COL11A1: variants seen among roughly 807,000 people sequenced by gnomAD.
COL11A1 encodes the protein collagen type XI alpha 1 chain, also known as collagen alpha-1(XI) chain.
Under a neutral mutation model 265.2 loss-of-function variants are expected in COL11A1, and 74 were observed. The ratio of observed to expected loss-of-function variants is 0.28; its 90% CI spans 0.23 to 0.34. The LOEUF (loss-of-function observed/expected upper bound fraction) is 0.34, where lower values mean the gene tolerates loss of function less well. Among genes scored for constraint, COL11A1 ranks in the 10% least tolerant of loss-of-function variants. COL11A1 has a pLI of 1.00. For synonymous variants in COL11A1, 816 were observed against 727.6 expected, an observed-to-expected ratio of 1.12 and a Z score of -1.96; for missense variants, 2,165 against 2,263.6, an observed-to-expected ratio of 0.96 and a Z score of 0.88.
intron 1 of COL11A1, among the ~76,000 whole-genome samples, chr1:103,086,638 G>A (rs768766017): frequency 2.6e-5 from 4 of 151,862 alleles, no homozygotes; most frequent in Non-Finnish European, 4.4e-5. Context: ...GGATGGTCTT[G>A]ATCTCCTGAC....
chr1:103,038,204 A>G (rs1298973286), intron 4 of COL11A1, among the ~76,000 whole-genome samples: 1 of 152,166 alleles, frequency 6.6e-6, no homozygotes, highest in African/African-American at 2.4e-5. Flanking sequence ...GGCTCACACC[A>G]GTAATACTAG....
intron 4 of COL11A1, among the ~76,000 whole-genome samples, chr1:103,055,860 T>C (rs1386165492): frequency 6.6e-6 from 1 of 152,164 alleles, no homozygotes; most frequent in Non-Finnish European, 1.5e-5. Context: ...TTTTCAAACG[T>C]TCGTATCTTG....
At chr1:102,964,589 T>TGGGG (rs1278636753) in intron 38 of COL11A1, among the ~76,000 whole-genome samples, 3 of 143,454 alleles carry the variant, frequency 2.1e-5, no homozygotes, top group Non-Finnish European at 3.0e-5. Context: ...TCTCTAGGGG[T>TGGGG]GTGTGTGTGT....
intron 49 of COL11A1, among the ~76,000 whole-genome samples, chr1:102,919,342 TA>T (rs1241278588): frequency 1.9e-4 from 11 of 58,168 alleles, no homozygotes; most frequent in Non-Finnish European, 5.7e-4. Flanking sequence ...CAAAATATAA[TA>T]ACAATCTAAT....
At chr1:102,926,940 G>A (rs1404439039) in intron 46 of COL11A1, among the ~76,000 whole-genome samples, 1 of 152,042 alleles carries the variant, frequency 6.6e-6, no homozygotes, top group Admixed American at 6.5e-5. Context: ...ATATGAAAGT[G>A]AAGTTTTTGC....
At chr1:102,949,098 G>T (rs553528300) in intron 41 of COL11A1, among the ~76,000 whole-genome samples, 1 of 152,020 alleles carries the variant, frequency 6.6e-6, no homozygotes, top group Non-Finnish European at 1.5e-5. Context: ...TAATAAAAGT[G>T]CTCCTTTTTT....
intron 37 of COL11A1, among the ~76,000 whole-genome samples, chr1:102,965,862 G>A (rs138379709): frequency 0.01 from 1,596 of 152,208 alleles, 18 homozygotes; most frequent in Middle Eastern, 0.027. Flanking sequence ...TATGGATGAA[G>A]TAAATGATGA....
intron 13 of COL11A1, among the ~76,000 whole-genome samples, chr1:103,013,079 C>T (rs1230202862): frequency 6.6e-6 from 1 of 152,016 alleles, no homozygotes; most frequent in Non-Finnish European, 1.5e-5. Flanking sequence ...AAAGCTGAAA[C>T]ACATACAGTA....
intron 57 of COL11A1, among the ~76,000 whole-genome samples, chr1:102,895,519 A>T: frequency 6.6e-6 from 1 of 152,120 alleles, no homozygotes; most frequent in East Asian, 1.9e-4. Flanking sequence ...TGATAAGCAA[A>T]TTGAAGCCTG....
chr1:102,981,881 T>C (rs1663074173), intron 31 of COL11A1, among the ~76,000 whole-genome samples: 1 of 151,950 alleles, frequency 6.6e-6, no homozygotes. Context: ...ATGGTTTATA[T>C]TGCTACTAAG....
intron 35 of COL11A1, among the ~76,000 whole-genome samples, chr1:102,978,047 T>C (rs1283673803): frequency 2.6e-5 from 4 of 152,182 alleles, no homozygotes; most frequent in African/African-American, 9.6e-5. Flanking sequence ...AAAATTATTA[T>C]AGAATATGAA....
intron 4 of COL11A1, among the ~76,000 whole-genome samples, chr1:103,043,023 A>G (rs1320837897): frequency 6.9e-6 from 1 of 145,168 alleles, no homozygotes; most frequent in African/African-American, 2.5e-5. Flanking sequence ...TGAAATATAT[A>G]TGATATATAT....
At chr1:103,007,391 T>C (rs2622881) in intron 15 of COL11A1, among the ~76,000 whole-genome samples, 6,747 of 152,248 alleles carry the variant, frequency 0.044, 254 homozygotes, top group African/African-American at 0.098. Flanking sequence ...AAATGTAGTT[T>C]CACTATAAAT....
intron 4 of COL11A1, among the ~76,000 whole-genome samples, chr1:103,031,707 A>G (rs1311631272): frequency 6.6e-6 from 1 of 152,044 alleles, no homozygotes; most frequent in African/African-American, 2.4e-5. Flanking sequence ...TTTTTAGAGT[A>G]AATATATAGA....
At chr1:102,926,516 T>C (rs1329227173) in intron 46 of COL11A1, among the ~76,000 whole-genome samples, 1 of 152,262 alleles carries the variant, frequency 6.6e-6, no homozygotes, top group African/African-American at 2.4e-5. Context: ...GAAGACTCAA[T>C]TAAAGGAGGC....
intron 3 of COL11A1, among the ~76,000 whole-genome samples, chr1:103,076,204 T>C (rs1671960793): frequency 1.3e-5 from 2 of 152,126 alleles, no homozygotes; most frequent in South Asian, 2.1e-4. Context: ...CTTTTTCTCA[T>C]ACTACACACT....
At chr1:103,059,763 C>T (rs1670519940) in intron 4 of COL11A1, among the ~76,000 whole-genome samples, 1 of 151,978 alleles carries the variant, frequency 6.6e-6, no homozygotes, top group South Asian at 2.1e-4. Context: ...GTAAATTAGA[C>T]ACTGCTAAGG....
Position 102,961,872 on chromosome 1 carries a change from A to G in COL11A1, c.3162T>C (p.Gly1054=). The change falls in exon 41 of 67, where the codon GGT becomes GGC. Residue 1054 remains glycine, a synonymous_variant. Transcript: ENST00000370096. ...TTATTATCATCATACTTACAACTGG[A>G]CCTGGTGGGCCCTGGGGACCTTCCC... ...KGGEGPQGPP[G]PVGSPGERGS... is the part of the protein sequence containing the mutation. The G allele has an allele frequency of 6.2e-7, 1 of 1,613,234 alleles. No homozygotes were observed. Among genetic ancestry groups the G allele is most frequent in the East Asian group, 2.2e-5 (1 of 44,868 alleles).
At position 102,978,907 on chromosome 1, in the gene COL11A1, G is replaced by A. The variant is rs748815162; in HGVS notation, c.2662C>T (p.Arg888Ter). ...GGACCTCTTGCACCTCTTGAACCTCGAGGACCCTGCAGATGAGAACAAAAG... is the reference window on the plus strand; with the variant it reads ...GGACCTCTTGCACCTCTTGAACCTCAAGGACCCTGCAGATGAGAACAAAAG... ...PRGQRGPTGP[R>*]GSRGARGPTG... The change falls in exon 34 of 67, where the codon CGA (arginine) becomes TGA (stop). Residue 888 changes from arginine (R) to a stop codon, truncating the protein, a stop_gained. Coordinates refer to ENST00000370096, the MANE Select transcript of COL11A1 (RefSeq NM_001854.4). LOFTEE classifies it high-confidence loss of function. The A allele has an allele frequency of 1.9e-6, 3 of 1,614,132 alleles. No homozygotes were observed. The highest frequency in any genetic ancestry group is 1.7e-5 in the Admixed American group (1 of 60,002).
Sources: allele counts gnomAD v4.1 joint callset (sites outside exome capture counted in the v4.1 genomes callset), GRCh38; gene constraint gnomAD v4.1.1; transcripts MANE v1.5; gene names NCBI Gene and HGNC (gene_info 2026-07-23, HGNC 2026-07-21).